Variants in PRKCE observed in about 807,000 individuals in gnomAD.
PRKCE encodes the protein protein kinase C epsilon.
Under a neutral mutation model 85.4 loss-of-function variants are expected in PRKCE, and 16 were observed. That is an observed-to-expected ratio of 0.19 (90% CI 0.13 to 0.28). PRKCE has a LOEUF of 0.28. PRKCE is among the 10% of genes least tolerant of loss of function. PRKCE has a pLI of 1.00. For synonymous variants in PRKCE, 388 were observed against 371.5 expected (o/e 1.04, Z -0.51); for missense variants, 573 against 975.2 (o/e 0.59, Z 5.49).
In PRKCE at chr2:45,786,139, C is replaced by T. The variant is rs148469291; in HGVS notation, c.349-56861C>T. ...GCTGGGGATCTTTATTTGAAATGAG[C>T]AATGTATTATTAGCAAGGGGCATTG... On this transcript the variant is annotated intron_variant, in intron 1 of 14. Coordinates refer to ENST00000306156, the MANE Select transcript of PRKCE (RefSeq NM_005400.3). The surrounding 1 kb of genome is among the most constrained non-coding windows in gnomAD (Gnocchi z 5.3). Among the ~76,000 whole-genome samples the T allele has an allele frequency of 9.1e-4, 139 of 152,232 alleles. No individual in the cohort carries two copies. The highest frequency in any genetic ancestry group is 3.3e-3 in the African/African-American group (136 of 41,544).
chr2:45,737,640 C>T (rs1320869078), intron 1 of PRKCE, among the ~76,000 whole-genome samples: 1 of 152,100 alleles, frequency 6.6e-6, no homozygotes, highest in Non-Finnish European at 1.5e-5. Flanking sequence ...GCCCCCTTCT[C>T]CCCTGGAGCC....
At chr2:45,719,671 T>C (rs1457453144) in intron 1 of PRKCE, among the ~76,000 whole-genome samples, 4 of 152,184 alleles carry the variant, frequency 2.6e-5, no homozygotes, top group African/African-American at 7.2e-5. Context: ...AAAACACACA[T>C]GGCATTTGGA....
At chr2:46,101,100 C>T (rs182363774) in intron 11 of PRKCE, among the ~76,000 whole-genome samples, 2 of 152,254 alleles carry the variant, frequency 1.3e-5, no homozygotes, top group African/African-American at 4.8e-5. Context: ...AACTCCTGAC[C>T]TCGAGTGATC....
intron 14 of PRKCE, among the ~76,000 whole-genome samples, chr2:46,170,048 G>T (rs931157816): frequency 1.3e-5 from 2 of 152,168 alleles, no homozygotes; most frequent in Non-Finnish European, 2.9e-5. Flanking sequence ...GATTTGCAGG[G>T]TTTTTTAATC....
At chr2:46,052,897 A>G (rs759228773) in intron 10 of PRKCE, among the ~76,000 whole-genome samples, 1 of 152,250 alleles carries the variant, frequency 6.6e-6, no homozygotes, top group Non-Finnish European at 1.5e-5. Flanking sequence ...AGACCATTCA[A>G]TGGGAAAAGG....
At chr2:45,954,170 G>C (rs1224992403) in intron 2 of PRKCE, among the ~76,000 whole-genome samples, 3 of 152,220 alleles carry the variant, frequency 2.0e-5, no homozygotes, top group African/African-American at 7.2e-5. Context: ...TGTGGCCCTA[G>C]TGAATCTTGG....
chr2:45,913,700 A>C (rs1697546334), intron 2 of PRKCE, among the ~76,000 whole-genome samples: 1 of 152,178 alleles, frequency 6.6e-6, no homozygotes, highest in Non-Finnish European at 1.5e-5. Flanking sequence ...TCACTCACTC[A>C]CTTGAACAAA....
At chr2:46,065,214 A>G (rs1667521412) in intron 10 of PRKCE, among the ~76,000 whole-genome samples, 1 of 152,046 alleles carries the variant, frequency 6.6e-6, no homozygotes, top group Non-Finnish European at 1.5e-5. Context: ...GAAAAGGGGA[A>G]AATGACTGTT....
intron 11 of PRKCE, among the ~76,000 whole-genome samples, chr2:46,119,907 A>G (rs568306437): frequency 6.6e-6 from 1 of 152,316 alleles, no homozygotes; most frequent in South Asian, 2.1e-4. Context: ...GTCTTTTAAA[A>G]TGTCACCTTG....
intron 2 of PRKCE, among the ~76,000 whole-genome samples, chr2:45,952,711 ATT>A (rs987961840): frequency 7.2e-5 from 11 of 152,216 alleles, no homozygotes; most frequent in African/African-American, 1.4e-4. Flanking sequence ...TGTACTGTAC[ATT>A]TAAAATTGGT....
At chr2:45,743,152 C>A (rs1248649963) in intron 1 of PRKCE, among the ~76,000 whole-genome samples, 1 of 152,074 alleles carries the variant, frequency 6.6e-6, no homozygotes, top group East Asian at 1.9e-4. Flanking sequence ...AGGGCACAAA[C>A]TTTCAATTAT....
intron 10 of PRKCE, among the ~76,000 whole-genome samples, chr2:46,023,296 A>G (rs552841882): frequency 1.4e-4 from 21 of 152,200 alleles, no homozygotes; most frequent in African/African-American, 5.1e-4. Flanking sequence ...AATATGTATT[A>G]CCTGTCCCCT....
At chr2:45,989,281 G>T (rs1005869209) in intron 6 of PRKCE, among the ~76,000 whole-genome samples, 1 of 152,194 alleles carries the variant, frequency 6.6e-6, no homozygotes, top group African/African-American at 2.4e-5. Context: ...CTTCTTCCTC[G>T]CTCCTGCCTC....
At chr2:45,772,728 T>C (rs931455180) in intron 1 of PRKCE, among the ~76,000 whole-genome samples, 2 of 151,852 alleles carry the variant, frequency 1.3e-5, no homozygotes, top group African/African-American at 2.4e-5. Context: ...TAGGGTGAAG[T>C]TGTGGGTTCT....
chr2:45,753,112 G>A (rs1330894193), intron 1 of PRKCE, among the ~76,000 whole-genome samples: 1 of 152,096 alleles, frequency 6.6e-6, no homozygotes, highest in African/African-American at 2.4e-5. Flanking sequence ...TGTATATACC[G>A]CTGTCGTGTG....
At chr2:45,875,681 T>C (rs1694423135) in intron 2 of PRKCE, among the ~76,000 whole-genome samples, 1 of 152,238 alleles carries the variant, frequency 6.6e-6, no homozygotes, top group African/African-American at 2.4e-5. Context: ...ATTTTGCCAC[T>C]ACTAAACTGG....
chr2:46,044,010 G>T (rs1419145102), intron 10 of PRKCE, among the ~76,000 whole-genome samples: 2 of 152,212 alleles, frequency 1.3e-5, no homozygotes, highest in Non-Finnish European at 2.9e-5. Flanking sequence ...GTGACATCAT[G>T]CTCTCTGTCC....
At chr2:45,747,028 C>G (rs749492253) in intron 1 of PRKCE, among the ~76,000 whole-genome samples, 11 of 152,182 alleles carry the variant, frequency 7.2e-5, no homozygotes, top group Non-Finnish European at 1.5e-4. Context: ...TCTGATTGCT[C>G]CACTACTGAG....
chr2:46,065,321 CG>C (rs1472817398), intron 10 of PRKCE, among the ~76,000 whole-genome samples: 1 of 151,918 alleles, frequency 6.6e-6, no homozygotes, highest in Non-Finnish European at 1.5e-5. Context: ...AGAATTCTGA[CG>C]GGAAACAGTT....
Sources: allele counts gnomAD v4.1 joint callset (sites outside exome capture counted in the v4.1 genomes callset), GRCh38; gene constraint gnomAD v4.1.1; non-coding constraint Gnocchi (gnomAD v3.1); transcripts MANE v1.5; gene names NCBI Gene and HGNC (gene_info 2026-07-23, HGNC 2026-07-21).